Variants in CTNNA3 observed in about 807,000 individuals in gnomAD.
CTNNA3 encodes the protein catenin alpha 3, also known as catenin alpha-3.
A neutral mutation model predicts 95.7 loss-of-function variants in CTNNA3; 76 were observed. The ratio of observed to expected loss-of-function variants is 0.79; its 90% CI spans 0.66 to 0.96. The LOEUF (loss-of-function observed/expected upper bound fraction) is 0.96. Ranked by LOEUF, CTNNA3 falls within the 40% of genes least tolerant of loss-of-function variation. The pLI, the probability that CTNNA3 is intolerant of heterozygous loss-of-function variation, is 0.00. For missense variants in CTNNA3, 1,191 were observed against 1,089.8 expected, an observed-to-expected ratio of 1.09 and a Z score of -1.31; for synonymous variants, 431 against 374.4, an observed-to-expected ratio of 1.15 and a Z score of -1.74.
intron 11 of CTNNA3, among the ~76,000 whole-genome samples, chr10:66,385,130 CA>C (rs1228168960): frequency 2.6e-5 from 4 of 151,952 alleles, no homozygotes; most frequent in Non-Finnish European, 5.9e-5. Context: ...AAAAACCCTT[CA>C]AAAAATCAAT....
chr10:65,998,946 A>G (rs912179560), intron 15 of CTNNA3, among the ~76,000 whole-genome samples: 2 of 152,078 alleles, frequency 1.3e-5, no homozygotes, highest in Admixed American at 6.6e-5. Flanking sequence ...CCTTTTTCCC[A>G]TGGTGCTTCT....
At chr10:66,093,475 G>A (rs2081285938) in intron 14 of CTNNA3, among the ~76,000 whole-genome samples, 1 of 151,940 alleles carries the variant, frequency 6.6e-6, no homozygotes, top group South Asian at 2.1e-4. Context: ...CTTTTGAAAG[G>A]AAGTAAAAAA....
intron 1 of CTNNA3, among the ~76,000 whole-genome samples, chr10:67,727,150 T>C (rs1841238587): frequency 8.1e-6 from 1 of 123,250 alleles, no homozygotes; most frequent in African/African-American, 3.1e-5. Context: ...ACATATATTA[T>C]ATAATTATAT....
At chr10:66,067,006 A>G (rs1161098651) in intron 15 of CTNNA3, among the ~76,000 whole-genome samples, 1 of 151,742 alleles carries the variant, frequency 6.6e-6, no homozygotes, top group Non-Finnish European at 1.5e-5. Context: ...GAAAAAAAAA[A>G]TATACGCCAA....
intron 5 of CTNNA3, among the ~76,000 whole-genome samples, chr10:67,392,285 G>T (rs560747320): frequency 1.0e-3 from 154 of 152,286 alleles, no homozygotes; most frequent in African/African-American, 3.4e-3. Context: ...CATTTATTCA[G>T]CCAACAGACA....
intron 11 of CTNNA3, among the ~76,000 whole-genome samples, chr10:66,399,570 A>C (rs1372251960): frequency 6.6e-6 from 1 of 151,972 alleles, no homozygotes; most frequent in East Asian, 1.9e-4. Flanking sequence ...CTAAATAAGA[A>C]CTGGACTATT....
At chr10:67,672,978 C>A (rs1840467290) in intron 1 of CTNNA3, among the ~76,000 whole-genome samples, 1 of 151,728 alleles carries the variant, frequency 6.6e-6, no homozygotes, top group African/African-American at 2.4e-5. Flanking sequence ...GATATTGATT[C>A]TTCCTACCCA....
chr10:67,150,966 T>C (rs1208000306), intron 7 of CTNNA3, among the ~76,000 whole-genome samples: 2 of 151,888 alleles, frequency 1.3e-5, no homozygotes, highest in Non-Finnish European at 2.9e-5. Context: ...CCACCCTGAG[T>C]TCCAGCTCTA....
intron 2 of CTNNA3, among the ~76,000 whole-genome samples, chr10:67,608,678 A>G (rs1181374555): frequency 6.6e-6 from 1 of 152,194 alleles, no homozygotes; most frequent in Non-Finnish European, 1.5e-5. Flanking sequence ...GGAAAAAAAG[A>G]AAGAAATGAA....
At chr10:67,390,129 T>C (rs1439360927) in intron 5 of CTNNA3, among the ~76,000 whole-genome samples, 1 of 152,182 alleles carries the variant, frequency 6.6e-6, no homozygotes, top group African/African-American at 2.4e-5. Context: ...AGCTGGTTTT[T>C]TGAAAGGATC....
intron 5 of CTNNA3, among the ~76,000 whole-genome samples, chr10:67,482,007 TC>T: frequency 6.6e-6 from 1 of 152,194 alleles, no homozygotes; most frequent in Non-Finnish European, 1.5e-5. Context: ...AAATAGGGAA[TC>T]CTTTCCCCAT....
At chr10:66,374,416 A>G (rs1474064749) in intron 12 of CTNNA3, among the ~76,000 whole-genome samples, 1 of 152,146 alleles carries the variant, frequency 6.6e-6, no homozygotes, top group African/African-American at 2.4e-5. Flanking sequence ...AAAGGCAATC[A>G]TTCCAACTGC....
intron 7 of CTNNA3, among the ~76,000 whole-genome samples, chr10:66,999,531 C>G (rs996702250): frequency 3.3e-5 from 5 of 152,126 alleles, no homozygotes; most frequent in Non-Finnish European, 5.9e-5. Context: ...TCACTATTGT[C>G]TCTCTTTTCT....
At chr10:67,535,804 T>C (rs1448019204) in intron 4 of CTNNA3, among the ~76,000 whole-genome samples, 1 of 122,430 alleles carries the variant, frequency 8.2e-6, no homozygotes, top group African/African-American at 4.4e-5. Flanking sequence ...TCTGATCCTC[T>C]GCTGAAGGAA....
At chr10:67,060,146 T>A (rs1259009530) in intron 7 of CTNNA3, among the ~76,000 whole-genome samples, 1 of 151,944 alleles carries the variant, frequency 6.6e-6, no homozygotes, top group African/African-American at 2.4e-5. Context: ...CGAAACCCCA[T>A]CTCCACAAAA....
At chr10:66,834,377 C>T (rs939199770) in intron 7 of CTNNA3, among the ~76,000 whole-genome samples, 3 of 152,168 alleles carry the variant, frequency 2.0e-5, no homozygotes, top group Non-Finnish European at 2.9e-5. Context: ...AATAACACTT[C>T]ACAGTTACAC....
At chr10:66,644,304 CTCTA>C (rs200775442) in intron 9 of CTNNA3, among the ~76,000 whole-genome samples, 4,251 of 123,530 alleles carry the variant, frequency 0.034, 97 homozygotes, top group East Asian at 0.07. Flanking sequence ...CTCTCTCTCT[CTCTA>C]TATATATATA....
chr10:67,036,723 G>A (rs985876814), intron 7 of CTNNA3, among the ~76,000 whole-genome samples: 5 of 152,070 alleles, frequency 3.3e-5, no homozygotes, highest in Admixed American at 2.6e-4. Flanking sequence ...CCATTCATTT[G>A]TTTATTTATG....
At chr10:67,604,180 T>C (rs1458081975) in intron 3 of CTNNA3, among the ~76,000 whole-genome samples, 3 of 152,212 alleles carry the variant, frequency 2.0e-5, no homozygotes, top group Non-Finnish European at 2.9e-5. Flanking sequence ...CAAAATGGCA[T>C]ATGGATGCAC....
Sources: gnomAD v4.1 joint callset for allele counts (sites outside exome capture counted in the v4.1 genomes callset) on GRCh38, gnomAD v4.1.1 for gene constraint, MANE v1.5 for transcripts, NCBI Gene and HGNC (gene_info 2026-07-23, HGNC 2026-07-21) for gene names.